The following SLC22A23 variants were observed in gnomAD, a reference collection of about 807,000 sequenced individuals.
SLC22A23 encodes the protein solute carrier family 22 member 23, also known as ion transporter protein.
SLC22A23 carries 26 observed loss-of-function variants against 61.0 expected under a neutral mutation model. The ratio of observed to expected loss-of-function variants is 0.43; its 90% CI spans 0.31 to 0.59. The LOEUF is 0.59. Ranked by LOEUF, SLC22A23 falls within the 20% of genes least tolerant of loss-of-function variation. SLC22A23 has a pLI of 0.11. For synonymous variants in SLC22A23, 430 were observed against 413.9 expected (o/e 1.04, Z -0.47); for missense variants, 796 against 934.7 (o/e 0.85, Z 1.94).
chr6:3,336,208 C>T (rs1763850076), intron 3 of SLC22A23, among the ~76,000 whole-genome samples: 1 of 152,152 alleles, frequency 6.6e-6, no homozygotes, highest in Admixed American at 6.5e-5. Flanking sequence ...AAATGTTTCC[C>T]AAGAAGGTGG....
intron 1 of SLC22A23, among the ~76,000 whole-genome samples, chr6:3,447,006 G>T (rs1420156972): frequency 1.3e-5 from 2 of 150,246 alleles, no homozygotes; most frequent in African/African-American, 4.9e-5. Flanking sequence ...TCCCCACCAC[G>T]CGAGATCTCA....
Position 3,287,098 on chromosome 6 carries a change from A to T in SLC22A23, c.1314-7T>A, listed in dbSNP as rs747820025. 4 of 1,613,326 alleles carry T rather than the reference A, an allele frequency of 2.5e-6. No individual in the cohort carries two copies. Among genetic ancestry groups the T allele is most frequent in the Middle Eastern group, 1.7e-4 (1 of 6,060 alleles). On this transcript the variant is annotated splice_polypyrimidine_tract_variant and splice_region_variant and intron_variant, in intron 6 of 9. Coordinates refer to ENST00000406686, the MANE Select transcript of SLC22A23 (RefSeq NM_015482.2). ...GATCCCGTACCCCGTCAGCCTGTGG[A>T]GACATACCGAGCGGCAGTGGGTGGG...
intron 4 of SLC22A23, among the ~76,000 whole-genome samples, chr6:3,307,108 C>T (rs1427631956): frequency 6.6e-6 from 1 of 152,170 alleles, no homozygotes; most frequent in African/African-American, 2.4e-5. Flanking sequence ...ACATGCTGAG[C>T]AGACGGCATA....
chr6:3,285,005 G>GT, intron 8 of SLC22A23, 74 bp downstream of exon 8: 2 of 1,579,398 alleles, frequency 1.3e-6, no homozygotes, highest in Non-Finnish European at 8.6e-7. Context: ...CCACAGGTCC[G>GT]TGAGTCTTCG....
intron 3 of SLC22A23, among the ~76,000 whole-genome samples, chr6:3,394,459 T>C (rs1033303351): frequency 6.6e-6 from 1 of 152,258 alleles, no homozygotes; most frequent in Non-Finnish European, 1.5e-5. Context: ...ATGATTGTGG[T>C]AAATTTCATT....
intron 4 of SLC22A23, among the ~76,000 whole-genome samples, chr6:3,301,100 T>TTA (rs1761570401): frequency 1.3e-5 from 2 of 152,192 alleles, no homozygotes; most frequent in East Asian, 3.8e-4. Context: ...GACATTAATA[T>TTA]TATATATATT....
chr6:3,370,232 A>G (rs1375535274), intron 3 of SLC22A23, among the ~76,000 whole-genome samples: 1 of 152,244 alleles, frequency 6.6e-6, no homozygotes, highest in East Asian at 1.9e-4. Context: ...CCTTTTAAGA[A>G]TTATGCTTCT....
intron 1 of SLC22A23, among the ~76,000 whole-genome samples, chr6:3,418,340 T>C (rs1303030355): frequency 2.0e-5 from 3 of 152,270 alleles, no homozygotes; most frequent in African/African-American, 7.2e-5. Flanking sequence ...ATTATGCTTC[T>C]ATGAGATGGC....
intron 3 of SLC22A23, among the ~76,000 whole-genome samples, chr6:3,337,533 C>T (rs1763926757): frequency 1.3e-5 from 2 of 151,558 alleles, no homozygotes; most frequent in South Asian, 2.1e-4. Context: ...AATTCATTGA[C>T]TCCCATAAAC....
chr6:3,424,766 A>C (rs183567124), intron 1 of SLC22A23, among the ~76,000 whole-genome samples: 208 of 152,340 alleles, frequency 1.4e-3, no homozygotes, highest in Non-Finnish European at 2.6e-3. Flanking sequence ...CTTCATTCAT[A>C]TATTCATTTG....
At chr6:3,418,114 T>C (rs1164783622) in intron 1 of SLC22A23, among the ~76,000 whole-genome samples, 1 of 152,180 alleles carries the variant, frequency 6.6e-6, no homozygotes, top group African/African-American at 2.4e-5. Context: ...TCTCAACACC[T>C]GTAACCACTC....
At chr6:3,411,553 A>G (rs954208154) in intron 2 of SLC22A23, among the ~76,000 whole-genome samples, 4 of 152,170 alleles carry the variant, frequency 2.6e-5, no homozygotes, top group African/African-American at 9.7e-5. Flanking sequence ...CAACTCTGCA[A>G]ATATACTAAA....
In SLC22A23 at chr6:3,299,998, C is replaced by CTTTTTTTTTTT. The variant is rs869114176; in HGVS notation, c.1083-1791_1083-1781dup. On this transcript the variant is annotated intron_variant, in intron 4 of 9. Coordinates refer to ENST00000406686, the MANE Select transcript of SLC22A23 (RefSeq NM_015482.2). ...ACCTGCTTTGCAAGCTCAGGATAGA[C>CTTTTTTTTTTT]TTTTTTTTTTTTTTTTTTTTTTTTT... Among the ~76,000 whole-genome samples, 16 of 78,798 alleles carry CTTTTTTTTTTT rather than the reference C, an allele frequency of 2.0e-4. 2 individuals carry two copies. The East Asian group carries it at 2.8e-3, about 14-fold the overall frequency. 51.7% of individuals were successfully genotyped at this position (78,798 alleles called of 152,430 possible).
In SLC22A23 at chr6:3,327,722, T is replaced by C. The variant is rs1388819814; in HGVS notation, c.914-3720A>G. On this transcript the variant is annotated intron_variant, in intron 3 of 9. Coordinates refer to ENST00000406686, the MANE Select transcript of SLC22A23 (RefSeq NM_015482.2). The surrounding 1 kb of genome is among the most constrained non-coding windows in gnomAD (Gnocchi z 4.1). ...TATGTGTTACAATCTCGTGCATTAT[T>C]TTTCCAGATTTTGGAATACTTGCAT... Among the ~76,000 whole-genome samples, 1 of 152,196 alleles carries C rather than the reference T, an allele frequency of 6.6e-6. No homozygotes were observed. Among genetic ancestry groups the C allele is most frequent in the Non-Finnish European group, 1.5e-5 (1 of 68,040 alleles).
chr6:3,347,275 C>T (rs1383885916), intron 3 of SLC22A23, among the ~76,000 whole-genome samples: 3 of 152,060 alleles, frequency 2.0e-5, no homozygotes, highest in South Asian at 4.2e-4. Context: ...GCATCTGTCC[C>T]CCCAACTGGA....
chr6:3,418,799 G>A (rs1232754637), intron 1 of SLC22A23, among the ~76,000 whole-genome samples: 1 of 152,210 alleles, frequency 6.6e-6, no homozygotes, highest in African/African-American at 2.4e-5. Flanking sequence ...CTCATGCCTG[G>A]GGATCCGCCT....
rs1314368156 is a variant in SLC22A23, at chr6:3,322,701, A to G, written c.1082+1133T>C. 6.6e-6 allele frequency among the ~76,000 whole-genome samples: 1 copy of G among 152,128 alleles called. No homozygotes were observed. The highest frequency in any genetic ancestry group is 1.5e-5 in the Non-Finnish European group (1 of 68,016). On this transcript the variant is annotated intron_variant, in intron 4 of 9. Coordinates refer to ENST00000406686, the MANE Select transcript of SLC22A23 (RefSeq NM_015482.2). The surrounding 1 kb of genome is among the most constrained non-coding windows in gnomAD (Gnocchi z 4.1). ...CCTGCACCCTCGCAGTACATCTACT[A>G]CCAGGGCAGGGGCGGGGGGCAGTAC...
intron 3 of SLC22A23, among the ~76,000 whole-genome samples, chr6:3,381,716 T>C (rs1766965098): frequency 6.6e-6 from 1 of 152,166 alleles, no homozygotes; most frequent in Non-Finnish European, 1.5e-5. Flanking sequence ...AGGCTTATGG[T>C]GAGAATGGAA....
intron 3 of SLC22A23, among the ~76,000 whole-genome samples, chr6:3,373,681 G>A (rs1766370438): frequency 6.6e-6 from 1 of 152,184 alleles, no homozygotes; most frequent in Non-Finnish European, 1.5e-5. Flanking sequence ...AGGAAGAGGA[G>A]GAGGAGGAAG....
Sources: allele counts gnomAD v4.1 joint callset (sites outside exome capture counted in the v4.1 genomes callset), GRCh38; gene constraint gnomAD v4.1.1; non-coding constraint Gnocchi (gnomAD v3.1); transcripts MANE v1.5; gene names NCBI Gene and HGNC (gene_info 2026-07-23, HGNC 2026-07-21).